Variants in AQR observed in about 807,000 individuals in gnomAD.
AQR encodes the protein RNA helicase aquarius.
Under a neutral mutation model 180.5 loss-of-function variants are expected in AQR, and 61 were observed. The observed-to-expected ratio is 0.34, with a 90% CI of 0.28 to 0.42. The LOEUF (loss-of-function observed/expected upper bound fraction) is 0.42, where lower values mean the gene tolerates loss of function less well. Among genes scored for constraint, AQR ranks in the 10% least tolerant of loss-of-function variants. AQR has a pLI of 1.00. For missense variants in AQR, 1,281 were observed against 1,798.3 expected (o/e 0.71, Z 5.20); for synonymous variants, 551 against 588.8 (o/e 0.94, Z 0.93).
chr15:34,890,848 T>C lies in AQR; in HGVS notation c.2572-524A>G, dbSNP rs549554376. 5.7e-4 allele frequency among the ~76,000 whole-genome samples: 87 copies of C among 152,358 alleles called. 1 individual carries two copies. The highest frequency in any genetic ancestry group is 4.6e-3 in the South Asian group (22 of 4,828). ...AGCACTCATTTATTGCAAACTATTC[T>C]GATGAAAGTCATTTAAAAGTCACTA... On this transcript the variant is annotated intron_variant, in intron 23 of 34. Coordinates refer to ENST00000156471, the MANE Select transcript of AQR (RefSeq NM_014691.3).
intron 32 of AQR, among the ~76,000 whole-genome samples, chr15:34,863,834 T>A (rs576405623): frequency 9.8e-5 from 15 of 152,320 alleles, no homozygotes; most frequent in Admixed American, 8.5e-4. Context: ...TTCACCTCAC[T>A]ATTAAATAAA....
At position 34,944,365 on chromosome 15, in the gene AQR, C is replaced by T; in HGVS notation, c.394G>A (p.Ala132Thr). ...FFKHILKAALAETDGEFSLHE... is the reference protein window; with the variant it reads ...FFKHILKAALTETDGEFSLHE... ...AGTGAAAATTCACCATCAGTTTCAG[C>T]TAATGCCGCCTTCAAGATGTGTTTA... Residue 132 changes from alanine (A) to threonine (T), a missense_variant, in exon 6 of 35, where the codon GCT (alanine) becomes ACT (threonine). Ala to Thr is a moderately conservative substitution (Grantham distance 58). Transcript: ENST00000156471. 6.2e-7 allele frequency: 1 copy of T among 1,610,894 alleles called. No homozygotes were observed. The highest frequency in any genetic ancestry group is 8.5e-7 in the Non-Finnish European group (1 of 1,178,686).
intron 23 of AQR, among the ~76,000 whole-genome samples, chr15:34,892,865 T>C (rs996736692): frequency 6.6e-6 from 1 of 152,206 alleles, no homozygotes. Flanking sequence ...AATGGTTGTA[T>C]GGGTACTTGA....
Position 34,867,505 on chromosome 15 carries a change from A to C in AQR, c.3854+19T>G, listed in dbSNP as rs560370771. The C allele has an allele frequency of 6.3e-7, 1 of 1,597,546 alleles. No individual in the cohort carries two copies. Among genetic ancestry groups the C allele is most frequent in the African/African-American group, 1.3e-5 (1 of 74,610 alleles). On this transcript the variant is annotated intron_variant, in intron 32 of 34. Transcript: ENST00000156471. ...ATAGTAAAGTTCAATAAATATTATG[A>C]AAGTTTTTTCCTACGTACCTCAGAT...
intron 15 of AQR, among the ~76,000 whole-genome samples, chr15:34,916,763 A>C (rs1164910502): frequency 6.6e-6 from 1 of 151,902 alleles, no homozygotes; most frequent in Non-Finnish European, 1.5e-5. Context: ...AGGTGGTACT[A>C]ATTTGCAAGA....
At chr15:34,942,460 T>C (rs947778934) in intron 6 of AQR, among the ~76,000 whole-genome samples, 13 of 152,328 alleles carry the variant, frequency 8.5e-5, no homozygotes, top group South Asian at 4.1e-4. Flanking sequence ...GTATCCTTTT[T>C]GTGGTCTATT....
chr15:34,886,528 G>C lies in AQR; in HGVS notation c.2815C>G (p.Gln939Glu). Reference sequence around the variant, plus strand: ...TTCAAAAACCCTTAATATCTTACCTGGTATAAGAAGAAATAGCCTGCAGTT... The same window carrying C: ...TTCAAAAACCCTTAATATCTTACCTCGTATAAGAAGAAATAGCCTGCAGTT... ...CETAGYFFLYQVMSRWEEYIS... is the reference protein window; with the variant it reads ...CETAGYFFLYEVMSRWEEYIS... Residue 939 changes from glutamine to glutamate, a missense_variant and splice_region_variant, in exon 25 of 35, where the codon CAG (glutamine) becomes GAG (glutamate). This residue lies in a region of AQR where 125 missense variants were observed against 185.0 expected (regional missense o/e 0.68). Transcript: ENST00000156471. 2.5e-6 allele frequency: 4 copies of C among 1,602,666 alleles called. No individual in the cohort carries two copies. The highest frequency in any genetic ancestry group is 3.4e-6 in the Non-Finnish European group (4 of 1,177,162).
chr15:34,867,648 A>G (rs765053422), intron 31 of AQR, 39 bp from the exon 32 acceptor site: 139 of 1,445,272 alleles, frequency 9.6e-5, no homozygotes, highest in Non-Finnish European at 1.2e-4. Context: ...CATTTGCAAA[A>G]GCCAAAAGAC....
chr15:34,948,242 T>A (rs780614255), intron 5 of AQR, 22 bp downstream of exon 5: 1 of 1,612,500 alleles, frequency 6.2e-7, no homozygotes, highest in Admixed American at 1.7e-5. Context: ...ATGAAAGCTA[T>A]GAAGTACTTT....
At chr15:34,961,564 C>T (rs916206154) in intron 2 of AQR, among the ~76,000 whole-genome samples, 2 of 145,136 alleles carry the variant, frequency 1.4e-5, no homozygotes, top group African/African-American at 2.6e-5. Context: ...GAGTCAAGAT[C>T]GCGCCACTGC....
rs773006994 is a variant in AQR, at chr15:34,934,626, G to A, written c.728C>T (p.Thr243Ile). Residue 243 changes from threonine (T) to isoleucine (I), a missense_variant, in exon 10 of 35, where the codon ACT (threonine) becomes ATT (isoleucine). Thr to Ile is a moderately conservative substitution (Grantham distance 89). This residue lies in a region of AQR where 404 missense variants were observed against 490.9 expected (regional missense o/e 0.82). Coordinates refer to ENST00000156471, the MANE Select transcript of AQR (RefSeq NM_014691.3). ...LKSVPLSEPV[T>I]MDKVHYCERF... ...TTCACAGTAATGAACTTTGTCCATA[G>A]TGACAGGTTCTAGACATAAGAGAGA... 2 of 1,582,900 alleles carry A rather than the reference G, an allele frequency of 1.3e-6. No homozygotes were observed. The highest frequency in any genetic ancestry group is 2.3e-5 in the South Asian group (2 of 85,470).
At chr15:34,921,249 T>TA (rs1370647008) in intron 13 of AQR, among the ~76,000 whole-genome samples, 2 of 151,124 alleles carry the variant, frequency 1.3e-5, no homozygotes, top group Non-Finnish European at 3.0e-5. Context: ...GCCTGGACAA[T>TA]ATGGTGAAAC....
intron 4 of AQR, among the ~76,000 whole-genome samples, chr15:34,949,731 T>G (rs1894189541): frequency 7.2e-6 from 1 of 139,342 alleles, no homozygotes; most frequent in African/African-American, 2.7e-5. Flanking sequence ...CCAAAGTGGG[T>G]GGACTGCTTG....
At chr15:34,879,585 C>T (rs561979770) in intron 27 of AQR, among the ~76,000 whole-genome samples, 1 of 152,292 alleles carries the variant, frequency 6.6e-6, no homozygotes, top group South Asian at 2.1e-4. Context: ...CTATGTTCTT[C>T]TCATGAGTCA....
chr15:34,942,827 T>C (rs1050610235), intron 6 of AQR, among the ~76,000 whole-genome samples: 2 of 152,218 alleles, frequency 1.3e-5, no homozygotes, highest in Admixed American at 1.3e-4. Flanking sequence ...TCATTCAATG[T>C]TCATAGCTAC....
chr15:34,876,005 T>C lies in AQR; in HGVS notation c.3167A>G (p.Tyr1056Cys). ...RHDLVKLGFK[Y>C]DNILMEEAAQ... ...AGCCTCTTCCATCAAAATGTTGTCA[T>C]ACTAAGAAAGAGGAAATCTTGTCAT... The change falls in exon 28 of 35, where the codon TAT becomes TGT. Residue 1056 changes from tyrosine (Y) to cysteine (C), a missense_variant and splice_region_variant. Physicochemically the swap from Tyr to Cys is radical, Grantham distance 194. This residue lies in a region of AQR where 125 missense variants were observed against 185.0 expected (regional missense o/e 0.68). Coordinates refer to ENST00000156471, the MANE Select transcript of AQR (RefSeq NM_014691.3). The C allele has an allele frequency of 6.2e-7, 1 of 1,609,658 alleles. No homozygotes were observed. The highest frequency in any genetic ancestry group is 8.5e-7 in the Non-Finnish European group (1 of 1,177,276).
chr15:34,858,132 T>C lies in AQR; in HGVS notation c.4144-1026A>G, dbSNP rs561631651. ...CCAAGTAGCTGGGATTACAGACATG[T>C]ACCACCATGCCTGGCTAATTTTTGT... On this transcript the variant is annotated intron_variant, in intron 34 of 34. Coordinates refer to ENST00000156471, the MANE Select transcript of AQR (RefSeq NM_014691.3). Among the ~76,000 whole-genome samples, 13 of 151,630 alleles carry C rather than the reference T, an allele frequency of 8.6e-5. No homozygotes were observed. In the East Asian group the frequency reaches 9.7e-4, roughly 11 times the overall value.
At chr15:34,911,512 T>C (rs1208048906) in intron 16 of AQR, among the ~76,000 whole-genome samples, 1 of 152,182 alleles carries the variant, frequency 6.6e-6, no homozygotes, top group Non-Finnish European at 1.5e-5. Flanking sequence ...GAATATCTCA[T>C]TGTGGTTTTG....
chr15:34,961,482 C>T lies in AQR; in HGVS notation c.133-668G>A, dbSNP rs532834129. Among the ~76,000 whole-genome samples, 101 of 151,882 alleles carry T rather than the reference C, an allele frequency of 6.6e-4. 1 individual carries two copies. Among genetic ancestry groups the T allele is most frequent in the African/African-American group, 2.4e-3 (99 of 41,406 alleles). On this transcript the variant is annotated intron_variant, in intron 2 of 34. Coordinates refer to ENST00000156471, the MANE Select transcript of AQR (RefSeq NM_014691.3). ...AATATTAGCTGGGCGTGGTGGCGCA[C>T]ACCTGCAGTCCCAACTACTTCGGAG...
Sources: gnomAD v4.1 joint callset for allele counts (sites outside exome capture counted in the v4.1 genomes callset) on GRCh38, gnomAD v4.1.1 for gene constraint, gnomAD v4.1.1 regional missense constraint, MANE v1.5 for transcripts, NCBI Gene and HGNC (gene_info 2026-07-23, HGNC 2026-07-21) for gene names.